The following SCMH1 variants were observed in gnomAD, a reference collection of about 807,000 sequenced individuals.
SCMH1 encodes the protein Scm polycomb group protein homolog 1, also known as polycomb protein SCMH1.
Under a neutral mutation model 70.8 loss-of-function variants are expected in SCMH1, and 37 were observed. That is an observed-to-expected ratio of 0.52 (90% CI 0.40 to 0.69). The LOEUF (loss-of-function observed/expected upper bound fraction) is 0.69, where lower values mean the gene tolerates loss of function less well. Ranked by LOEUF, SCMH1 falls within the 30% of genes least tolerant of loss-of-function variation. The probability of loss-of-function intolerance (pLI) is 0.00; values close to 1 mark genes in which losing one functional copy is unlikely to be tolerated. For missense variants in SCMH1, 607 were observed against 827.3 expected (o/e 0.73, Z 3.27); for synonymous variants, 292 against 307.4 (o/e 0.95, Z 0.52).
intron 1 of SCMH1, among the ~76,000 whole-genome samples, chr1:41,191,670 G>A (rs764401947): frequency 4.6e-5 from 7 of 152,108 alleles, no homozygotes; most frequent in African/African-American, 1.4e-4. Context: ...GCCAATGTTT[G>A]CATTTGGTAT....
At chr1:41,038,467 T>C (rs149102810) in intron 12 of SCMH1, among the ~76,000 whole-genome samples, 1,653 of 152,310 alleles carry the variant, frequency 0.011, 13 homozygotes, top group Middle Eastern at 0.021. Flanking sequence ...ATCAAGTGTT[T>C]AGGTAATGCT....
intron 12 of SCMH1, among the ~76,000 whole-genome samples, chr1:41,044,289 G>T (rs1646622724): frequency 6.6e-6 from 1 of 152,078 alleles, no homozygotes; most frequent in Non-Finnish European, 1.5e-5. Flanking sequence ...CCAGGCAGAA[G>T]GGCAGGAGTC....
chr1:41,128,452 G>A (rs213758), intron 6 of SCMH1, among the ~76,000 whole-genome samples: 2 of 152,026 alleles, frequency 1.3e-5, no homozygotes, highest in South Asian at 4.1e-4. Flanking sequence ...TTAACAACTT[G>A]TTTTCCTTTT....
In SCMH1 at chr1:41,113,437, G is replaced by C; in HGVS notation, c.591C>G (p.Ala197=). 6.2e-7 allele frequency: 1 copy of C among 1,613,980 alleles called. No individual in the cohort carries two copies. Among genetic ancestry groups the C allele is most frequent in the Non-Finnish European group, 8.5e-7 (1 of 1,179,978 alleles). Residue 197 remains alanine (A), a synonymous_variant, in exon 8 of 15, where the codon GCC becomes GCG. Coordinates refer to ENST00000337495, the Ensembl canonical transcript of SCMH1. This position sits in a 1 kb window ranked among gnomAD's most constrained non-coding sequence, Gnocchi z 4.3. ...CTGAGCCCCGAACCTCCCCAATAGT[G>C]GCTGGGCAAATGAAATGAGGGTTCT...
At chr1:41,060,965 A>G (rs1449020368) in intron 10 of SCMH1, among the ~76,000 whole-genome samples, 2 of 152,122 alleles carry the variant, frequency 1.3e-5, no homozygotes, top group African/African-American at 4.8e-5. Context: ...GAGATTAAAG[A>G]TGTTAGCCAC....
chr1:41,056,938 C>A (rs1558505705), intron 10 of SCMH1, among the ~76,000 whole-genome samples: 2 of 152,208 alleles, frequency 1.3e-5, no homozygotes, highest in Non-Finnish European at 2.9e-5. Context: ...CCTCTGTTCT[C>A]AACAAGGTCT....
intron 9 of SCMH1, 55 bp downstream of exon 9, chr1:41,075,164 G>A (rs1416223168): frequency 1.0e-5 from 16 of 1,566,136 alleles, no homozygotes; most frequent in South Asian, 1.1e-5. Context: ...GCGCCTGGCC[G>A]AATGACCCCT....
intron 7 of SCMH1, among the ~76,000 whole-genome samples, chr1:41,115,270 T>C (rs963679264): frequency 6.6e-6 from 1 of 152,236 alleles, no homozygotes; most frequent in Non-Finnish European, 1.5e-5. Context: ...AGTCTTCAAA[T>C]ATTCCCTAGT....
Position 41,065,113 on chromosome 1 carries a change from G to C in SCMH1, c.1105+5482C>G, listed in dbSNP as rs76204770. Among the ~76,000 whole-genome samples, 601 of 152,334 alleles carry C rather than the reference G, an allele frequency of 3.9e-3. 4 individuals are homozygous for C. The highest frequency in any genetic ancestry group is 0.014 in the African/African-American group (570 of 41,568). ...TAAGAAGACTTAATTTTGTCAGGATGTCAGTTCTTTCCAAGTCAATGTAGA... is the reference window on the plus strand; with the variant it reads ...TAAGAAGACTTAATTTTGTCAGGATCTCAGTTCTTTCCAAGTCAATGTAGA... On this transcript the variant is annotated intron_variant, in intron 10 of 14. Coordinates refer to ENST00000337495, the Ensembl canonical transcript of SCMH1.
chr1:41,237,233 T>G (rs1172769873), intron 1 of SCMH1, among the ~76,000 whole-genome samples: 11 of 152,198 alleles, frequency 7.2e-5, no homozygotes, highest in Admixed American at 5.9e-4. Context: ...AATTTGAAAT[T>G]AGAGCTTCTT....
intron 8 of SCMH1, among the ~76,000 whole-genome samples, chr1:41,095,324 A>G (rs1038577998): frequency 2.0e-5 from 3 of 152,180 alleles, no homozygotes; most frequent in South Asian, 2.1e-4. Context: ...AGGCTAACCT[A>G]TATTCCATGT....
chr1:41,156,108 C>A (rs1363362787), intron 4 of SCMH1, among the ~76,000 whole-genome samples: 2 of 151,810 alleles, frequency 1.3e-5, no homozygotes, highest in Admixed American at 6.6e-5. Context: ...TACAAATGGA[C>A]AGACCGCTCT....
chr1:41,155,692 G>C (rs931847382), intron 4 of SCMH1, among the ~76,000 whole-genome samples: 1 of 152,076 alleles, frequency 6.6e-6, no homozygotes, highest in Non-Finnish European at 1.5e-5. Flanking sequence ...TACAAAAGTT[G>C]ACATTTGGGC....
chr1:41,035,940 G>A (rs1645237784), intron 13 of SCMH1, among the ~76,000 whole-genome samples: 1 of 152,116 alleles, frequency 6.6e-6, no homozygotes, highest in Non-Finnish European at 1.5e-5. Context: ...CCAGAACTTT[G>A]TTATGCTGTG....
At chr1:41,168,435 A>T (rs1394061659) in intron 2 of SCMH1, among the ~76,000 whole-genome samples, 4 of 151,470 alleles carry the variant, frequency 2.6e-5, no homozygotes, top group Non-Finnish European at 5.9e-5. Flanking sequence ...CCTCCATTGA[A>T]TTTTTTTAGT....
intron 8 of SCMH1, among the ~76,000 whole-genome samples, chr1:41,083,805 C>T (rs1434210826): frequency 3.3e-4 from 49 of 146,672 alleles, no homozygotes; most frequent in Non-Finnish European, 1.2e-4. Flanking sequence ...AGAACAGAGC[C>T]CTCAGAAATA....
intron 1 of SCMH1, among the ~76,000 whole-genome samples, chr1:41,234,637 G>T (rs890601786): frequency 1.3e-5 from 2 of 151,470 alleles, no homozygotes; most frequent in African/African-American, 2.4e-5. Flanking sequence ...ACCACACCTG[G>T]CTAATTTTTT....
chr1:41,093,494 C>T (rs954894480), intron 8 of SCMH1, among the ~76,000 whole-genome samples: 5 of 152,012 alleles, frequency 3.3e-5, no homozygotes, highest in African/African-American at 9.7e-5. Flanking sequence ...ACGTTGTGCA[C>T]GTGTACCCTA....
intron 10 of SCMH1, among the ~76,000 whole-genome samples, chr1:41,058,375 C>CTTTTTTTTTTTTTTTTTTTTTTT (rs1252087982): frequency 2.6e-5 from 1 of 38,998 alleles, no homozygotes; most frequent in Non-Finnish European, 4.3e-5. Context: ...CATTTTCTTT[C>CTTTTTTTTTTTTTTTTTTTTTTT]TTGTTTTTTT....
Sources: gnomAD v4.1 joint callset for allele counts (sites outside exome capture counted in the v4.1 genomes callset) on GRCh38, gnomAD v4.1.1 for gene constraint, Gnocchi (gnomAD v3.1) non-coding constraint, MANE v1.5 for transcripts, NCBI Gene and HGNC (gene_info 2026-07-23, HGNC 2026-07-21) for gene names.